Variants in ADGRE1 observed in about 807,000 individuals in gnomAD.
The protein encoded by ADGRE1 is EGF-like module receptor 1.
ADGRE1 carries 82 observed loss-of-function variants against 102.7 expected under a neutral mutation model. The ratio of observed to expected loss-of-function variants is 0.80; its 90% CI spans 0.67 to 0.96. ADGRE1 has a LOEUF of 0.96. ADGRE1 is among the 40% of genes least tolerant of loss of function. The pLI, the probability that ADGRE1 is intolerant of heterozygous loss-of-function variation, is 0.00. For synonymous variants in ADGRE1, 398 were observed against 399.6 expected, an observed-to-expected ratio of 1.00 and a Z score of 0.05; for missense variants, 1,032 against 1,085.3, an observed-to-expected ratio of 0.95 and a Z score of 0.69.
At chr19:6,928,551 C>T in intron 17 of ADGRE1, 1 of 344,284 alleles carries the variant, frequency 2.9e-6, no homozygotes, top group South Asian at 3.7e-5. Context: ...CGCTTGAATC[C>T]AGGAGACATG....
chr19:6,896,150 A>G, intron 2 of ADGRE1: 1 of 410,248 alleles, frequency 2.4e-6, no homozygotes. Context: ...TCTTCTTATA[A>G]GGACACCTGT....
chr19:6,901,968 T>C lies in ADGRE1; in HGVS notation c.608T>C (p.Phe203Ser). The C allele has an allele frequency of 6.2e-7, 1 of 1,614,236 alleles. No homozygotes were observed. Residue 203 changes from phenylalanine (F) to serine (S), a missense_variant, in exon 6 of 21, where the codon TTT (phenylalanine) becomes TCT (serine). Transcript: ENST00000312053. ...TACTCTTGTTTCTGCAACCCAGGAT[T>C]TGAATCCAGCAGTGGCCACTTGAGT... is the stretch of plus-strand genomic sequence containing the variant. ...GNYSCFCNPGFESSSGHLSFQ... is the reference protein window; with the variant it reads ...GNYSCFCNPGSESSSGHLSFQ...
intron 5 of ADGRE1, chr19:6,898,454 C>G: frequency 6.3e-7 from 1 of 1,596,022 alleles, no homozygotes; most frequent in Non-Finnish European, 8.6e-7. Flanking sequence ...GGCAATTTCT[C>G]CTGTACTGGT....
chr19:6,897,071 C>CTTT (rs11397719), intron 3 of ADGRE1, 78 bp from the exon 4 acceptor site: 16,998 of 774,142 alleles, frequency 0.022, 650 homozygotes, highest in African/African-American at 0.14. Context: ...ATTGTTTTAA[C>CTTT]TTTTTTTTTT....
At chr19:6,935,302 G>C (rs900384463) in intron 18 of ADGRE1, among the ~76,000 whole-genome samples, 1 of 152,016 alleles carries the variant, frequency 6.6e-6, no homozygotes, top group Admixed American at 6.6e-5. Flanking sequence ...AAGCCCATTT[G>C]CCTCACCTAC....
intron 1 of ADGRE1, 131 bp from the exon 2 acceptor site, chr19:6,890,350 G>A (rs2144875415): frequency 4.0e-6 from 3 of 756,316 alleles, no homozygotes; most frequent in Non-Finnish European, 6.3e-6. Flanking sequence ...AACTAGGTTT[G>A]TCATCTAGCC....
chr19:6,916,475 G>C, intron 12 of ADGRE1, 107 bp downstream of exon 12: 1 of 1,442,824 alleles, frequency 6.9e-7, no homozygotes, highest in Non-Finnish European at 9.3e-7. Context: ...GAGAACCAAT[G>C]AGGGTAGAAA....
chr19:6,904,217 C>T, intron 8 of ADGRE1, 35 bp downstream of exon 8: 2 of 1,603,290 alleles, frequency 1.2e-6, no homozygotes, highest in Admixed American at 1.7e-5. Flanking sequence ...GCAATGGAAT[C>T]TGTTTCTGGC....
At chr19:6,899,736 G>A (rs1476525364) in intron 5 of ADGRE1, among the ~76,000 whole-genome samples, 2 of 151,714 alleles carry the variant, frequency 1.3e-5, no homozygotes, top group Non-Finnish European at 2.9e-5. Context: ...CTATTCTGGG[G>A]AGATTCTAAA....
Position 6,889,781 on chromosome 19 carries a change from T to G in ADGRE1, c.32-700T>G, listed in dbSNP as rs1035081563. On this transcript the variant is annotated intron_variant, in intron 1 of 20. Transcript: ENST00000312053. Reference sequence around the variant, plus strand: ...TACAGATATACTGTATACCTATATATGTATTTTCTATATATACATATGTAT... The same window carrying G: ...TACAGATATACTGTATACCTATATAGGTATTTTCTATATATACATATGTAT... Among the ~76,000 whole-genome samples, 3 of 151,848 alleles carry G rather than the reference T, an allele frequency of 2.0e-5. No individual in the cohort carries two copies. The South Asian group carries it at 6.2e-4, about 31-fold the overall frequency.
intron 11 of ADGRE1, among the ~76,000 whole-genome samples, chr19:6,916,014 ACC>A (rs1196471747): frequency 6.7e-6 from 1 of 148,342 alleles, no homozygotes; most frequent in Non-Finnish European, 1.5e-5. Flanking sequence ...TCCCTGATGC[ACC>A]CCCTAGGAGA....
At position 6,928,185 on chromosome 19, in the gene ADGRE1, T is replaced by C; in HGVS notation, c.2263T>C (p.Leu755=). ...AGAGACAGGGTTCATCTGGAGTTTC[T>C]TGGGGCCAGTTTGCACAGTTATAGT... The part of the protein sequence containing the change: ...NTETGFIWSF[L]GPVCTVIVIN... Residue 755 remains leucine (L), a synonymous_variant, in exon 17 of 21, where the codon TTG becomes CTG. Transcript: ENST00000312053. 6 of 1,614,160 alleles carry C rather than the reference T, an allele frequency of 3.7e-6. No individual in the cohort carries two copies. The African/African-American group carries it at 4.0e-5, about 11-fold the overall frequency.
At position 6,935,086 on chromosome 19, in the gene ADGRE1, C is replaced by T; in HGVS notation, c.2381+8C>T. 6.5e-7 allele frequency: 1 copy of T among 1,531,940 alleles called. No homozygotes were observed. 94.9% of individuals were successfully genotyped at this position (1,531,940 alleles called of 1,614,324 possible). A position where few individuals can be genotyped will look rare whatever the true frequency, so the allele number is the denominator to read the frequency against. ...AACGCTAAAAGACACCAGGTAAAGC[C>T]CTCTTTCACCTCCCCCCCTCTTTTA... is the stretch of plus-strand genomic sequence containing the variant. On this transcript the variant is annotated splice_region_variant and intron_variant, in intron 18 of 20. Coordinates refer to ENST00000312053, the MANE Select transcript of ADGRE1 (RefSeq NM_001974.5).
intron 17 of ADGRE1, among the ~76,000 whole-genome samples, chr19:6,930,045 G>A (rs1030265768): frequency 1.3e-5 from 2 of 152,094 alleles, no homozygotes; most frequent in Admixed American, 1.3e-4. Flanking sequence ...GCCTTTCTAT[G>A]TCTATAGCTC....
At chr19:6,889,514 C>T (rs57562054) in intron 1 of ADGRE1, among the ~76,000 whole-genome samples, 6,488 of 151,728 alleles carry the variant, frequency 0.043, 303 homozygotes, top group African/African-American at 0.11. Context: ...CATGGAGAAA[C>T]CCCGTTTCTA....
chr19:6,934,605 T>A (rs1464563538), intron 17 of ADGRE1, among the ~76,000 whole-genome samples: 77 of 147,962 alleles, frequency 5.2e-4, no homozygotes, highest in African/African-American at 1.8e-3. Context: ...TTTGTATTTT[T>A]TTTTTTTTTT....
intron 9 of ADGRE1, among the ~76,000 whole-genome samples, chr19:6,908,069 T>G (rs570534953): frequency 6.6e-6 from 1 of 152,322 alleles, no homozygotes. Flanking sequence ...TTTACCGGAA[T>G]GAGGGCAAGG....
At chr19:6,917,726 T>A (rs865894239) in intron 12 of ADGRE1, among the ~76,000 whole-genome samples, 1 of 122,000 alleles carries the variant, frequency 8.2e-6, no homozygotes. Context: ...GGTGACAGAA[T>A]GAGACTCCAT....
chr19:6,899,406 C>T (rs951438789), intron 5 of ADGRE1, among the ~76,000 whole-genome samples: 6 of 152,126 alleles, frequency 3.9e-5, no homozygotes, highest in South Asian at 4.1e-4. Flanking sequence ...GGGCTGGGCG[C>T]GGTGGCTCAC....
Sources: allele counts gnomAD v4.1 joint callset (sites outside exome capture counted in the v4.1 genomes callset), GRCh38; gene constraint gnomAD v4.1.1; transcripts MANE v1.5; gene names NCBI Gene and HGNC (gene_info 2026-07-23, HGNC 2026-07-21).